The following BCLAF3 variants were observed in gnomAD, a reference collection of about 807,000 sequenced individuals.
BCLAF3 encodes transient octamer binding factor 1.
In BCLAF3, 24 loss-of-function variants were observed where a neutral mutation model predicts 51.2. That is an observed-to-expected ratio of 0.47 (90% CI 0.34 to 0.66). BCLAF3 has a LOEUF of 0.66. Among genes scored for constraint, BCLAF3 ranks in the 30% least tolerant of loss-of-function variants. BCLAF3 has a pLI of 0.01. For synonymous variants in BCLAF3, 152 were observed against 176.6 expected (o/e 0.86, Z 1.10); for missense variants, 465 against 525.1 (o/e 0.89, Z 1.12).
intron 4 of BCLAF3, among the ~76,000 whole-genome samples, chrX:19,961,418 T>C (rs755902949): frequency 2.7e-5 from 3 of 112,179 alleles, no homozygotes; most frequent in Non-Finnish European, 1.9e-5. Flanking sequence ...GATAACCTTA[T>C]GTTTTCAACC....
At chrX:19,922,949 A>G (rs2070222226) in intron 11 of BCLAF3, among the ~76,000 whole-genome samples, 1 of 111,213 alleles carries the variant, frequency 9.0e-6, no homozygotes, top group Non-Finnish European at 1.9e-5. Context: ...TCAAGGCAAA[A>G]AAAGGAACAA....
intron 1 of BCLAF3, among the ~76,000 whole-genome samples, chrX:19,972,666 T>C (rs915932029): frequency 2.7e-5 from 3 of 111,689 alleles, no homozygotes; most frequent in African/African-American, 9.8e-5. Flanking sequence ...TCCCCTCCCC[T>C]GCTTAGCCCG....
chrX:19,923,660 C>T (rs750733453), intron 11 of BCLAF3, among the ~76,000 whole-genome samples: 1 of 110,610 alleles, frequency 9.0e-6, no homozygotes, highest in African/African-American at 3.3e-5. Flanking sequence ...CCCTCATCCC[C>T]GAGTCACTGG....
intron 1 of BCLAF3, among the ~76,000 whole-genome samples, chrX:19,983,897 C>A (rs769538286): frequency 9.3e-6 from 1 of 107,237 alleles, no homozygotes; most frequent in African/African-American, 3.4e-5. Context: ...CGTGAAACCC[C>A]GTCTCCGCTA....
intron 11 of BCLAF3, among the ~76,000 whole-genome samples, chrX:19,927,816 T>G (rs928479967): frequency 9.2e-6 from 1 of 108,622 alleles, no homozygotes; most frequent in African/African-American, 3.4e-5. Flanking sequence ...AATTCTCATT[T>G]AAAATATAAT....
chrX:19,916,978 T>A lies in BCLAF3; in HGVS notation c.*327A>T, dbSNP rs942998706. 2 of 225,551 alleles carry A rather than the reference T, an allele frequency of 8.9e-6. No individual in the cohort carries two copies. The highest frequency in any genetic ancestry group is 5.9e-5 in the African/African-American group (2 of 33,770). 18.6% of individuals were successfully genotyped at this position (225,551 alleles called of 1,213,427 possible). On this transcript the variant is annotated 3_prime_UTR_variant, in exon 12 of 12. Coordinates refer to ENST00000379682, the MANE Select transcript of BCLAF3 (RefSeq NM_001367774.2). ...TTATGTAAGCAAAACTTTCAACATA[T>A]AAACGTCTGAATATTACTTGGTGAA...
intron 4 of BCLAF3, 84 bp from the exon 5 acceptor site, chrX:19,955,650 A>G: frequency 1.2e-6 from 1 of 805,847 alleles, no homozygotes; most frequent in Non-Finnish European, 1.7e-6. Context: ...TAGCTACAAA[A>G]CTAGAAAGAT....
chrX:19,936,045 A>G (rs1213187520), intron 9 of BCLAF3, 147 bp from the exon 10 acceptor site: 2 of 462,843 alleles, frequency 4.3e-6, no homozygotes, highest in African/African-American at 4.8e-5. Flanking sequence ...GCACATACAC[A>G]TCTCCTCCTT....
intron 1 of BCLAF3, among the ~76,000 whole-genome samples, chrX:19,972,692 C>T (rs1448946750): frequency 9.0e-6 from 1 of 111,683 alleles, no homozygotes; most frequent in East Asian, 2.8e-4. Context: ...ATGGATCTGC[C>T]TATTTGAGAC....
chrX:19,947,056 C>A (rs1040061849), intron 8 of BCLAF3, among the ~76,000 whole-genome samples: 5 of 111,964 alleles, frequency 4.5e-5, no homozygotes, highest in African/African-American at 1.6e-4. Context: ...TTCACTATAT[C>A]CCCAGTCCTT....
In BCLAF3 at chrX:19,952,022, A is replaced by T. The variant is rs763855002; in HGVS notation, c.1629+966T>A. ...TATTATGGATCACGTGAAAAGAAAA[A>T]AGCATACAAAACTACATATACTATG... On this transcript the variant is annotated intron_variant, in intron 7 of 11. Coordinates refer to ENST00000379682, the MANE Select transcript of BCLAF3 (RefSeq NM_001367774.2). 3.5e-3 allele frequency among the ~76,000 whole-genome samples: 398 copies of T among 112,207 alleles called. 1 individual carries two copies. The highest frequency in any genetic ancestry group is 0.012 in the African/African-American group (377 of 30,898).
chrX:19,934,144 T>G (rs1289431783), intron 10 of BCLAF3, among the ~76,000 whole-genome samples: 1 of 112,278 alleles, frequency 8.9e-6, no homozygotes, highest in African/African-American at 3.2e-5. Flanking sequence ...TGTACACTTC[T>G]AAGCATTCAT....
chrX:19,914,818 C>G lies in BCLAF3; in HGVS notation c.*2487G>C, dbSNP rs903284633. 1 of 111,960 alleles carries G rather than the reference C, an allele frequency of 8.9e-6. No individual in the cohort carries two copies. The highest frequency in any genetic ancestry group is 3.2e-5 in the African/African-American group (1 of 30,847). 9.2% of individuals were successfully genotyped at this position (111,960 alleles called of 1,213,427 possible). ...TTTTTAAAACCAGTAAAACCACCAA[C>G]AGAATAGTGCCTTCTGAGGTTGGTG... is the stretch of plus-strand genomic sequence containing the variant. On this transcript the variant is annotated 3_prime_UTR_variant, in exon 12 of 12. Coordinates refer to ENST00000379682, the MANE Select transcript of BCLAF3 (RefSeq NM_001367774.2).
At chrX:19,980,883 G>A (rs919387233) in intron 1 of BCLAF3, among the ~76,000 whole-genome samples, 2 of 106,844 alleles carry the variant, frequency 1.9e-5, no homozygotes, top group South Asian at 4.2e-4. Context: ...AGGTTGCAGT[G>A]AGCCAAGATT....
intron 11 of BCLAF3, among the ~76,000 whole-genome samples, chrX:19,925,963 G>A (rs1472236984): frequency 9.0e-6 from 1 of 111,656 alleles, no homozygotes; most frequent in Non-Finnish European, 1.9e-5. Flanking sequence ...CAGCTGTTCA[G>A]TAGGGTGCTA....
At chrX:19,956,714 A>G (rs1230820978) in intron 4 of BCLAF3, among the ~76,000 whole-genome samples, 1 of 111,343 alleles carries the variant, frequency 9.0e-6, no homozygotes, top group Non-Finnish European at 1.9e-5. Context: ...GCTCTTCTCA[A>G]AAATCAAGTT....
intron 4 of BCLAF3, 106 bp from the exon 5 acceptor site, chrX:19,955,672 C>A: frequency 1.5e-6 from 1 of 656,436 alleles, no homozygotes; most frequent in South Asian, 3.6e-5. Context: ...TATATCTTTT[C>A]TTATAATTAA....
At chrX:19,959,241 C>A (rs765937614) in intron 4 of BCLAF3, among the ~76,000 whole-genome samples, 52 of 111,676 alleles carry the variant, frequency 4.7e-4, no homozygotes, top group African/African-American at 1.7e-3. Flanking sequence ...CTACATGATG[C>A]CTCTCTTCAA....
chrX:19,937,592 TAAAC>T (rs1484294686), intron 8 of BCLAF3, 60 bp from the exon 9 acceptor site: 1 of 601,774 alleles, frequency 1.7e-6, no homozygotes, highest in Non-Finnish European at 2.6e-6. Context: ...TTCCAAGAAA[TAAAC>T]AAGAATAATT....
Sources: allele counts gnomAD v4.1 joint callset (sites outside exome capture counted in the v4.1 genomes callset), GRCh38; gene constraint gnomAD v4.1.1; transcripts MANE v1.5; gene names NCBI Gene and HGNC (gene_info 2026-07-23, HGNC 2026-07-21).